The following DLG5 variants were observed in gnomAD, a reference collection of about 807,000 sequenced individuals.
DLG5 encodes the protein disks large homolog 5.
In DLG5, 48 loss-of-function variants were observed where a neutral mutation model predicts 189.8. That is an observed-to-expected ratio of 0.25 (90% confidence interval 0.20 to 0.32). The LOEUF (loss-of-function observed/expected upper bound fraction) is 0.32. Among genes scored for constraint, DLG5 ranks in the 10% least tolerant of loss-of-function variants. The probability of loss-of-function intolerance (pLI) is 1.00; values close to 1 mark genes in which losing one functional copy is unlikely to be tolerated. For missense variants in DLG5, 2,160 were observed against 2,544.7 expected (o/e 0.85, Z 3.25); for synonymous variants, 1,016 against 1,054.1 (o/e 0.96, Z 0.70).
intron 20 of DLG5, among the ~76,000 whole-genome samples, chr10:77,813,249 T>C (rs1224440273): frequency 6.6e-6 from 1 of 152,094 alleles, no homozygotes. Flanking sequence ...TAAAACCATA[T>C]AGCCAAAGGC....
chr10:77,901,114 CAAAAAAAAAA>C (rs34724408), intron 1 of DLG5, among the ~76,000 whole-genome samples: 5 of 52,706 alleles, frequency 9.5e-5, no homozygotes, highest in African/African-American at 3.7e-4. Flanking sequence ...AACTCCATCT[CAAAAAAAAAA>C]AAAAAAAGAA....
intron 1 of DLG5, among the ~76,000 whole-genome samples, chr10:77,918,138 C>T (rs1196846691): frequency 4.6e-5 from 7 of 151,846 alleles, no homozygotes; most frequent in African/African-American, 1.2e-4. Flanking sequence ...AGGCCGGGTG[C>T]GGTGGCTCAC....
At chr10:77,803,262 C>G (rs1372137683) in intron 27 of DLG5, among the ~76,000 whole-genome samples, 1 of 152,200 alleles carries the variant, frequency 6.6e-6, no homozygotes, top group Non-Finnish European at 1.5e-5. Flanking sequence ...GAGGTAAATA[C>G]TCTTGATGAA....
At position 77,918,092 on chromosome 10, in the gene DLG5, T is replaced by C. The variant is rs371937798; in HGVS notation, c.304+8125A>G. Among the ~76,000 whole-genome samples the C allele has an allele frequency of 1.6e-4, 24 of 150,086 alleles. 4 individuals carry two copies. The highest frequency in any genetic ancestry group is 1.0e-3 in the East Asian group (5 of 5,020). On this transcript the variant is annotated intron_variant, in intron 1 of 31. Transcript: ENST00000372391. ...CTTAAAAAGTTATTAAAATAGTAAA[T>C]GTTATATATATTTTTCCACAATAAA...
At chr10:77,842,948 C>A (rs551949146) in intron 6 of DLG5, among the ~76,000 whole-genome samples, 1 of 152,286 alleles carries the variant, frequency 6.6e-6, no homozygotes, top group South Asian at 2.1e-4. Flanking sequence ...CTGCTACATG[C>A]CCCAGAGAAC....
At chr10:77,885,710 A>T (rs1384696715) in intron 1 of DLG5, among the ~76,000 whole-genome samples, 2 of 152,212 alleles carry the variant, frequency 1.3e-5, no homozygotes, top group African/African-American at 4.8e-5. Flanking sequence ...GCTTAGTGAA[A>T]GTGTGAAGAG....
chr10:77,815,640 G>A (rs528496514), intron 20 of DLG5, among the ~76,000 whole-genome samples: 50 of 152,188 alleles, frequency 3.3e-4, no homozygotes, highest in East Asian at 3.9e-4. Context: ...CAGCCTGGGC[G>A]AAAAGAGCAA....
chr10:77,883,467 C>T (rs770726694), intron 1 of DLG5, among the ~76,000 whole-genome samples: 4 of 152,074 alleles, frequency 2.6e-5, no homozygotes, highest in Non-Finnish European at 4.4e-5. Context: ...TGTGGCACCA[C>T]AGAGAAAGTT....
intron 20 of DLG5, among the ~76,000 whole-genome samples, chr10:77,813,429 T>A (rs1304646890): frequency 6.6e-6 from 1 of 152,056 alleles, no homozygotes; most frequent in Non-Finnish European, 1.5e-5. Flanking sequence ...AAATTAAAAT[T>A]CTTCTTGAGT....
chr10:77,833,563 G>C (rs1001120401), intron 9 of DLG5, among the ~76,000 whole-genome samples: 5 of 152,106 alleles, frequency 3.3e-5, no homozygotes, highest in African/African-American at 1.2e-4. Flanking sequence ...GAGTGAGTGA[G>C]TGAGTGAGTG....
intron 1 of DLG5, among the ~76,000 whole-genome samples, chr10:77,912,944 G>A (rs1041318404): frequency 5.7e-4 from 87 of 152,278 alleles, no homozygotes; most frequent in African/African-American, 2.0e-3. Context: ...AGGGAAACCT[G>A]TGGAGGAGCC....
intron 2 of DLG5, among the ~76,000 whole-genome samples, chr10:77,863,122 T>G (rs1844538419): frequency 6.6e-6 from 1 of 152,214 alleles, no homozygotes; most frequent in African/African-American, 2.4e-5. Context: ...GACAGGGTCT[T>G]GCTCTGTCAC....
intron 27 of DLG5, 98 bp downstream of exon 27, chr10:77,805,567 G>T: frequency 7.2e-7 from 1 of 1,383,018 alleles, no homozygotes; most frequent in African/African-American, 1.5e-5. Context: ...CAAAAGCAAA[G>T]TAAGACTCTC....
chr10:77,878,786 A>T (rs947671889), intron 1 of DLG5, among the ~76,000 whole-genome samples: 11 of 152,166 alleles, frequency 7.2e-5, no homozygotes, highest in Non-Finnish European at 1.5e-4. Context: ...GTTCACAAAG[A>T]AAAAACCAGA....
At chr10:77,917,215 G>A (rs1037764745) in intron 1 of DLG5, among the ~76,000 whole-genome samples, 3 of 151,922 alleles carry the variant, frequency 2.0e-5, no homozygotes, top group African/African-American at 4.8e-5. Context: ...GGTGGCGGGC[G>A]CCTGTAGTCC....
rs149393338 is a variant in DLG5, at chr10:77,828,887, C to G, written c.2284G>C (p.Val762Leu). 6 of 1,614,162 alleles carry G rather than the reference C, an allele frequency of 3.7e-6. No homozygotes were observed. The highest frequency in any genetic ancestry group is 5.1e-6 in the Non-Finnish European group (6 of 1,180,006). The change falls in exon 13 of 32, where the codon GTT (valine) becomes CTT (leucine). Residue 762 changes from valine to leucine, a missense_variant. Val to Leu is a conservative substitution (Grantham distance 32). Around this residue, in one of 5 missense-constraint regions of DLG5, gnomAD observed 107 missense variants for 214.5 expected, o/e 0.50. Coordinates refer to ENST00000372391, the MANE Select transcript of DLG5 (RefSeq NM_004747.4). ...GCTCCAGCCTTGAGACTTACCGCAA[C>G]GATCCTGTCTCCCACAGCAAGGGAC... ...EGSLAVGDRI[V>L]AINGIALDNK...
At chr10:77,841,798 T>C (rs1479991897) in intron 7 of DLG5, 83 bp downstream of exon 7, 4 of 1,494,154 alleles carry the variant, frequency 2.7e-6, no homozygotes, top group Non-Finnish European at 3.6e-6. Flanking sequence ...AGGCTTCTAA[T>C]CCGGACACCA....
chr10:77,917,563 C>CAAGA (rs1564596219), intron 1 of DLG5, among the ~76,000 whole-genome samples: 5 of 149,176 alleles, frequency 3.4e-5, no homozygotes, highest in African/African-American at 4.9e-5. Flanking sequence ...AGAAAGACAG[C>CAAGA]AAGAAAGAAA....
At chr10:77,836,069 C>T (rs1843120394) in intron 7 of DLG5, 147 bp from the exon 8 acceptor site, 1 of 754,084 alleles carries the variant, frequency 1.3e-6, no homozygotes, top group African/African-American at 1.8e-5. Context: ...CCCCATACCC[C>T]CAGTGACTGC....
Sources: allele counts gnomAD v4.1 joint callset (sites outside exome capture counted in the v4.1 genomes callset), GRCh38; gene constraint gnomAD v4.1.1; regional missense constraint gnomAD v4.1.1; transcripts MANE v1.5; gene names NCBI Gene and HGNC (gene_info 2026-07-23, HGNC 2026-07-21).